Variants in ADGRL3 observed in about 807,000 individuals in gnomAD.
ADGRL3 encodes the protein adhesion G protein-coupled receptor L3.
ADGRL3 carries 62 observed loss-of-function variants against 153.5 expected under a neutral mutation model. That is an observed-to-expected ratio of 0.40 (90% CI 0.33 to 0.50). The LOEUF (loss-of-function observed/expected upper bound fraction) is 0.50, where lower values mean the gene tolerates loss of function less well. ADGRL3 is among the 20% of genes least tolerant of loss of function. The pLI is 0.47. For missense variants in ADGRL3, 1,641 were observed against 1,859.4 expected, an observed-to-expected ratio of 0.88 and a Z score of 2.16; for synonymous variants, 710 against 672.5, an observed-to-expected ratio of 1.06 and a Z score of -0.86.
At chr4:61,526,766 AAAATAAATAAATACAT>A (rs2098563945) in intron 4 of ADGRL3, among the ~76,000 whole-genome samples, 1 of 152,094 alleles carries the variant, frequency 6.6e-6, no homozygotes, top group African/African-American at 2.4e-5. Flanking sequence ...CCTACCTCAA[AAAATAAATAAATACAT>A]AAATAAATAA....
At chr4:62,037,279 CTCCCCCACTTCTTACCCTACT>C (rs1333635170) in intron 23 of ADGRL3, among the ~76,000 whole-genome samples, 1 of 152,100 alleles carries the variant, frequency 6.6e-6, no homozygotes, top group African/African-American at 2.4e-5. Context: ...CTCTTTCTCT[CTCCCCCACTTCTTACCCTACT>C]TCCTCCACCC....
chr4:61,694,779 G>A (rs2095610343), intron 6 of ADGRL3, among the ~76,000 whole-genome samples: 1 of 152,182 alleles, frequency 6.6e-6, no homozygotes, highest in South Asian at 2.1e-4. Context: ...CAGAAGAACT[G>A]TCAAAATTGA....
At chr4:61,205,321 A>G (rs143997328) in intron 1 of ADGRL3, among the ~76,000 whole-genome samples, 1 of 152,298 alleles carries the variant, frequency 6.6e-6, no homozygotes, top group Admixed American at 6.5e-5. Flanking sequence ...CAGCAAGGAA[A>G]ACTGATTGCG....
intron 8 of ADGRL3, among the ~76,000 whole-genome samples, chr4:61,788,450 C>T (rs2097302716): frequency 6.6e-6 from 1 of 152,152 alleles, no homozygotes; most frequent in South Asian, 2.1e-4. Context: ...CAGTGCAGTC[C>T]TTCTCTCAGG....
intron 4 of ADGRL3, among the ~76,000 whole-genome samples, chr4:61,542,678 G>T (rs1417760478): frequency 6.6e-6 from 1 of 152,054 alleles, no homozygotes; most frequent in Non-Finnish European, 1.5e-5. Context: ...TTAAGGGGAT[G>T]GAATGATTTA....
intron 8 of ADGRL3, among the ~76,000 whole-genome samples, chr4:61,802,230 A>G (rs1580895745): frequency 6.6e-6 from 1 of 151,958 alleles, no homozygotes; most frequent in Admixed American, 6.5e-5. Flanking sequence ...CCAGACACAT[A>G]TGCACTTTTG....
chr4:61,581,908 TTCTTA>T (rs1161607462), intron 4 of ADGRL3, among the ~76,000 whole-genome samples: 1 of 152,118 alleles, frequency 6.6e-6, no homozygotes, highest in Non-Finnish European at 1.5e-5. Context: ...CAACCATCTT[TTCTTA>T]TCTTTATTAC....
chr4:61,271,911 G>A (rs998565085), intron 1 of ADGRL3, among the ~76,000 whole-genome samples: 1 of 151,970 alleles, frequency 6.6e-6, no homozygotes, highest in African/African-American at 2.4e-5. Context: ...CTGTTCATTT[G>A]TGTGATGTTT....
chr4:61,921,307 C>T (rs1243516294), intron 13 of ADGRL3, among the ~76,000 whole-genome samples: 1 of 152,122 alleles, frequency 6.6e-6, no homozygotes, highest in Non-Finnish European at 1.5e-5. Context: ...CAGGGCACGC[C>T]ACTGACATTT....
chr4:61,808,559 G>A (rs998282629), intron 8 of ADGRL3, among the ~76,000 whole-genome samples: 1 of 152,108 alleles, frequency 6.6e-6, no homozygotes, highest in African/African-American at 2.4e-5. Flanking sequence ...CACAATTTTT[G>A]TTTGATGTTG....
intron 1 of ADGRL3, among the ~76,000 whole-genome samples, chr4:61,204,600 C>CA (rs1334558173): frequency 6.6e-6 from 1 of 152,168 alleles, no homozygotes; most frequent in Non-Finnish European, 1.5e-5. Context: ...GTGAATGTGT[C>CA]AGAGTATTTG....
chr4:61,286,973 A>C (rs1220894571), intron 1 of ADGRL3, among the ~76,000 whole-genome samples: 1 of 151,790 alleles, frequency 6.6e-6, no homozygotes, highest in East Asian at 1.9e-4. Context: ...TATGGAAGTC[A>C]AAGGCCTCTA....
intron 19 of ADGRL3, among the ~76,000 whole-genome samples, chr4:61,991,875 A>T (rs2099104974): frequency 6.8e-6 from 1 of 147,784 alleles, no homozygotes; most frequent in Non-Finnish European, 1.5e-5. Flanking sequence ...TATATATATA[A>T]ATATAATACA....
intron 2 of ADGRL3, among the ~76,000 whole-genome samples, chr4:61,480,734 G>A (rs979511419): frequency 1.3e-5 from 2 of 152,066 alleles, no homozygotes; most frequent in Non-Finnish European, 2.9e-5. Context: ...CATGAGCCGA[G>A]ATCATGCCAC....
intron 6 of ADGRL3, among the ~76,000 whole-genome samples, chr4:61,702,537 C>G (rs1187002616): frequency 6.6e-6 from 1 of 152,146 alleles, no homozygotes; most frequent in African/African-American, 2.4e-5. Flanking sequence ...AATATTCATT[C>G]TGACTTTCAT....
At chr4:62,058,062 A>G (rs1376541127) in intron 25 of ADGRL3, among the ~76,000 whole-genome samples, 1 of 152,196 alleles carries the variant, frequency 6.6e-6, no homozygotes, top group Non-Finnish European at 1.5e-5. Flanking sequence ...ACAGCAAATA[A>G]GCAAGCATGA....
intron 8 of ADGRL3, among the ~76,000 whole-genome samples, chr4:61,807,771 A>C: frequency 6.6e-6 from 1 of 152,316 alleles, no homozygotes; most frequent in East Asian, 1.9e-4. Flanking sequence ...AGATGAAATT[A>C]TATGTCCTGG....
intron 13 of ADGRL3, among the ~76,000 whole-genome samples, chr4:61,918,256 G>A (rs568170573): frequency 1.3e-5 from 2 of 152,300 alleles, no homozygotes; most frequent in Admixed American, 6.5e-5. Context: ...GGATGAAGTC[G>A]TGGTTTGTTG....
intron 6 of ADGRL3, among the ~76,000 whole-genome samples, chr4:61,700,153 A>G (rs2095726130): frequency 6.6e-6 from 1 of 152,182 alleles, no homozygotes; most frequent in African/African-American, 2.4e-5. Context: ...ATATTGTATT[A>G]TTTCCTAAAC....
Sources: gnomAD v4.1 joint callset for allele counts (sites outside exome capture counted in the v4.1 genomes callset) on GRCh38, gnomAD v4.1.1 for gene constraint, MANE v1.5 for transcripts, NCBI Gene and HGNC (gene_info 2026-07-23, HGNC 2026-07-21) for gene names.